Variants in ARHGEF28 observed in about 807,000 individuals in gnomAD.
The protein encoded by ARHGEF28 is 190 kDa guanine nucleotide exchange factor.
In ARHGEF28, 152 loss-of-function variants were observed where a neutral mutation model predicts 206.6. The ratio of observed to expected loss-of-function variants is 0.74; its 90% confidence interval spans 0.64 to 0.84. ARHGEF28 has a LOEUF of 0.84. Among genes scored for constraint, ARHGEF28 ranks in the 40% least tolerant of loss-of-function variants. The pLI is 0.00. For missense variants in ARHGEF28, 2,028 were observed against 2,073.2 expected, an observed-to-expected ratio of 0.98 and a Z score of 0.42; for synonymous variants, 763 against 776.4, an observed-to-expected ratio of 0.98 and a Z score of 0.29.
At chr5:73,784,564 A>G (rs528242865) in intron 7 of ARHGEF28, among the ~76,000 whole-genome samples, 19 of 152,288 alleles carry the variant, frequency 1.2e-4, no homozygotes, top group Non-Finnish European at 2.4e-4. Context: ...CCTAAAGAGC[A>G]TTGTACAGAA....
At chr5:73,896,927 G>A (rs899101093) in intron 29 of ARHGEF28, among the ~76,000 whole-genome samples, 3 of 152,174 alleles carry the variant, frequency 2.0e-5, no homozygotes, top group Admixed American at 2.0e-4. Context: ...AGCCGCAGTT[G>A]GATAATCCAC....
rs202043266 is a variant in ARHGEF28, at chr5:73,882,040, T to TG, written c.2815-425dup. Among the ~76,000 whole-genome samples, 412 of 151,630 alleles carry TG rather than the reference T, an allele frequency of 2.7e-3. 12 individuals are homozygous for TG. The East Asian group carries it at 0.071, about 26-fold the overall frequency. On this transcript the variant is annotated intron_variant, in intron 22 of 35. Coordinates refer to ENST00000513042, the MANE Select transcript of ARHGEF28 (RefSeq NM_001177693.2). Reference sequence around the variant, plus strand: ...GTAAATGCCAAATGGGTGATTTTTTTGGGGGGGAGGTTAGCCAAAGTAAAT... The same window carrying TG: ...GTAAATGCCAAATGGGTGATTTTTTTGGGGGGGGAGGTTAGCCAAAGTAAAT...
At chr5:73,688,549 T>C (rs560477846) in intron 2 of ARHGEF28, among the ~76,000 whole-genome samples, 1 of 152,372 alleles carries the variant, frequency 6.6e-6, no homozygotes, top group East Asian at 1.9e-4. Context: ...TTTTTATTTT[T>C]CTTTTTAAAG....
At chr5:73,932,965 T>C (rs546046950) in intron 35 of ARHGEF28, among the ~76,000 whole-genome samples, 15 of 151,680 alleles carry the variant, frequency 9.9e-5, no homozygotes, top group Admixed American at 2.6e-4. Flanking sequence ...CGCGCCACCA[T>C]GCCCGGCTAA....
At chr5:73,926,496 CT>C (rs1293223260) in intron 35 of ARHGEF28, among the ~76,000 whole-genome samples, 1 of 152,298 alleles carries the variant, frequency 6.6e-6, no homozygotes, top group South Asian at 2.1e-4. Context: ...TCATCCCCCC[CT>C]ACCCTTTGGT....
At chr5:73,796,333 A>G (rs1754802942) in intron 9 of ARHGEF28, among the ~76,000 whole-genome samples, 1 of 152,130 alleles carries the variant, frequency 6.6e-6, no homozygotes, top group South Asian at 2.1e-4. Context: ...ACAGTCTTAG[A>G]AGTTGCAAGG....
intron 2 of ARHGEF28, among the ~76,000 whole-genome samples, chr5:73,736,047 C>G (rs1247325694): frequency 6.6e-6 from 1 of 152,194 alleles, no homozygotes; most frequent in African/African-American, 2.4e-5. Context: ...GTCTTGTCGT[C>G]TTCATACCAT....
In ARHGEF28 at chr5:73,779,938, C is replaced by T. The variant is rs948714373; in HGVS notation, c.841-738C>T. ...ACCCAATCCACGGGGCTTAATGACACGCCCAAGGGGATAAGGGACCTATGT... is the reference window on the plus strand; with the variant it reads ...ACCCAATCCACGGGGCTTAATGACATGCCCAAGGGGATAAGGGACCTATGT... On this transcript the variant is annotated intron_variant, in intron 6 of 35. Coordinates refer to ENST00000513042, the MANE Select transcript of ARHGEF28 (RefSeq NM_001177693.2). Among the ~76,000 whole-genome samples, 20 of 152,290 alleles carry T rather than the reference C, an allele frequency of 1.3e-4. No homozygotes were observed. In the East Asian group the frequency reaches 1.7e-3, roughly 13 times the overall value.
chr5:73,789,567 GAATTATACCTTAATAA>G (rs1265561414), intron 7 of ARHGEF28, among the ~76,000 whole-genome samples: 1 of 152,068 alleles, frequency 6.6e-6, no homozygotes, highest in Non-Finnish European at 1.5e-5. Flanking sequence ...TATAGTATAT[GAATTATACCTTAATAA>G]AGCTGTCATA....
chr5:73,924,356 G>T lies in ARHGEF28; in HGVS notation c.4948+12781G>T, dbSNP rs112484080. 4.6e-5 allele frequency among the ~76,000 whole-genome samples: 7 copies of T among 152,246 alleles called. No individual in the cohort carries two copies. In the South Asian group the frequency reaches 1.5e-3, roughly 32 times the overall value. On this transcript the variant is annotated intron_variant, in intron 35 of 35. Transcript: ENST00000513042. ...TTTATTATCTATGAAATTTTAAGCA[G>T]GTGTTTAAACTTACTTGGTGTCTCA...
intron 2 of ARHGEF28, among the ~76,000 whole-genome samples, chr5:73,719,328 G>A (rs1009794321): frequency 7.9e-5 from 12 of 151,662 alleles, no homozygotes; most frequent in Middle Eastern, 3.2e-3. Flanking sequence ...GGAGAATGGC[G>A]TGAACCCGGG....
intron 1 of ARHGEF28, among the ~76,000 whole-genome samples, chr5:73,666,155 C>T (rs886962583): frequency 2.0e-5 from 3 of 152,168 alleles, no homozygotes; most frequent in Non-Finnish European, 4.4e-5. Context: ...AAAGGGGTAC[C>T]TGCTCCTGAG....
At chr5:73,920,896 A>T (rs924972553) in intron 35 of ARHGEF28, among the ~76,000 whole-genome samples, 2 of 152,140 alleles carry the variant, frequency 1.3e-5, no homozygotes, top group Non-Finnish European at 2.9e-5. Flanking sequence ...AAGATGACAC[A>T]TTTACGATTT....
At chr5:73,826,374 T>TGAATGAATGAAAC (rs1293482504) in intron 9 of ARHGEF28, among the ~76,000 whole-genome samples, 1 of 152,128 alleles carries the variant, frequency 6.6e-6, no homozygotes, top group African/African-American at 2.4e-5. Flanking sequence ...CAAAATACAA[T>TGAATGAATGAAAC]GAATGAATGA....
intron 20 of ARHGEF28, among the ~76,000 whole-genome samples, chr5:73,869,498 A>G (rs1373389529): frequency 3.9e-5 from 6 of 152,228 alleles, no homozygotes; most frequent in Non-Finnish European, 8.8e-5. Flanking sequence ...CAAAACAAGC[A>G]AAAGAATCTT....
At chr5:73,721,934 G>C (rs1749975084) in intron 2 of ARHGEF28, among the ~76,000 whole-genome samples, 2 of 152,188 alleles carry the variant, frequency 1.3e-5, no homozygotes, top group South Asian at 4.1e-4. Flanking sequence ...GGGCTCAGCA[G>C]CAGTTTTGTC....
intron 9 of ARHGEF28, among the ~76,000 whole-genome samples, chr5:73,805,528 C>T (rs746101638): frequency 4.6e-5 from 7 of 152,018 alleles, no homozygotes; most frequent in African/African-American, 1.2e-4. Context: ...CAGTTTTTCT[C>T]GCAGGCAAAA....
chr5:73,831,891 A>G (rs1011775872), intron 9 of ARHGEF28, among the ~76,000 whole-genome samples: 3 of 152,132 alleles, frequency 2.0e-5, no homozygotes, highest in African/African-American at 4.8e-5. Flanking sequence ...GGGTTTCTCC[A>G]TGTTGGTCAG....
At chr5:73,855,604 C>T (rs1401372574) in intron 14 of ARHGEF28, among the ~76,000 whole-genome samples, 11 of 151,874 alleles carry the variant, frequency 7.2e-5, no homozygotes, top group Admixed American at 3.3e-4. Flanking sequence ...TGGTGGTGGG[C>T]GCCTGTAATT....
Sources: gnomAD v4.1 joint callset for allele counts (sites outside exome capture counted in the v4.1 genomes callset) on GRCh38, gnomAD v4.1.1 for gene constraint, MANE v1.5 for transcripts, NCBI Gene and HGNC (gene_info 2026-07-23, HGNC 2026-07-21) for gene names.